Variants in TPD52 observed in about 807,000 individuals in gnomAD.
TPD52 encodes the protein prostate and colon associated protein.
Under a neutral mutation model 31.3 loss-of-function variants are expected in TPD52, and 17 were observed. The observed-to-expected ratio is 0.54, with a 90% CI of 0.37 to 0.82. The LOEUF (loss-of-function observed/expected upper bound fraction) is 0.82. Ranked by LOEUF, TPD52 falls within the 40% of genes least tolerant of loss-of-function variation. The pLI is 0.00. For missense variants in TPD52, 212 were observed against 240.1 expected, an observed-to-expected ratio of 0.88 and a Z score of 0.77; for synonymous variants, 83 against 89.6, an observed-to-expected ratio of 0.93 and a Z score of 0.42.
At chr8:80,039,697 T>C (rs148013292) in intron 7 of TPD52, among the ~76,000 whole-genome samples, 2 of 152,214 alleles carry the variant, frequency 1.3e-5, no homozygotes, top group African/African-American at 4.8e-5. Context: ...CACATCTCTC[T>C]AGCTTCACCT....
intron 1 of TPD52, 151 bp downstream of exon 1, chr8:80,171,274 C>T: frequency 9.9e-7 from 1 of 1,012,284 alleles, no homozygotes; most frequent in Non-Finnish European, 1.5e-6. Flanking sequence ...ATGCCAGATC[C>T]GGATCCGGGA....
intron 1 of TPD52, among the ~76,000 whole-genome samples, chr8:80,072,894 G>A (rs1399156613): frequency 6.6e-6 from 1 of 151,802 alleles, no homozygotes; most frequent in African/African-American, 2.4e-5. Flanking sequence ...CTTGAAGCCA[G>A]GAATTCGAGA....
At chr8:80,094,834 C>T (rs1816609302) in intron 1 of TPD52, among the ~76,000 whole-genome samples, 2 of 151,810 alleles carry the variant, frequency 1.3e-5, no homozygotes, top group Non-Finnish European at 2.9e-5. Flanking sequence ...ATTTTAAATA[C>T]TCTTTCCTGA....
chr8:80,048,205 G>GCT (rs1457954792), intron 5 of TPD52, among the ~76,000 whole-genome samples: 4 of 151,840 alleles, frequency 2.6e-5, no homozygotes, highest in East Asian at 1.9e-4. Flanking sequence ...ATCAAGAGCA[G>GCT]CTCTCTCTCT....
rs750780114 is a variant in TPD52, at chr8:80,153,070, T to C, written c.19+18355A>G. Reference sequence around the variant, plus strand: ...AAGAAGACTCTTAGGCACTAACAAATGTGGGAGGAGAGTGCTGAGGTTACT... The same window carrying C: ...AAGAAGACTCTTAGGCACTAACAAACGTGGGAGGAGAGTGCTGAGGTTACT... On this transcript the variant is annotated intron_variant, in intron 1 of 7. Coordinates refer to ENST00000518937, the MANE Select transcript of TPD52 (RefSeq NM_001025253.3). 5.9e-5 allele frequency among the ~76,000 whole-genome samples: 9 copies of C among 152,296 alleles called. No individual in the cohort carries two copies. The South Asian group carries it at 1.9e-3, about 32-fold the overall frequency.
intron 1 of TPD52, among the ~76,000 whole-genome samples, chr8:80,106,270 G>C (rs915409045): frequency 6.6e-6 from 1 of 152,162 alleles, no homozygotes; most frequent in African/African-American, 2.4e-5. Flanking sequence ...TATATTCTTA[G>C]TTATTTTTAA....
At chr8:80,066,108 C>T (rs1563590137) in intron 1 of TPD52, among the ~76,000 whole-genome samples, 1 of 152,082 alleles carries the variant, frequency 6.6e-6, no homozygotes, top group South Asian at 2.1e-4. Context: ...CAATGCAAGG[C>T]GCCAGGGAGC....
chr8:80,105,692 C>A (rs7011903), intron 1 of TPD52, among the ~76,000 whole-genome samples: 30,007 of 150,350 alleles, frequency 0.2, 5,489 homozygotes, highest in African/African-American at 0.49. Context: ...CCGTCTCAAC[C>A]TCCCAAAATG....
At chr8:80,075,833 C>T (rs1814470526) in intron 1 of TPD52, among the ~76,000 whole-genome samples, 1 of 152,056 alleles carries the variant, frequency 6.6e-6, no homozygotes, top group Admixed American at 6.5e-5. Flanking sequence ...TTTTGTAAAC[C>T]ACAGCCATGT....
chr8:80,132,321 AG>A (rs1294473077), intron 1 of TPD52, among the ~76,000 whole-genome samples: 1 of 152,154 alleles, frequency 6.6e-6, no homozygotes, highest in Non-Finnish European at 1.5e-5. Context: ...GTGGCCCCAG[AG>A]AACAGCACTT....
chr8:80,137,304 C>A (rs1377301315), intron 1 of TPD52, among the ~76,000 whole-genome samples: 1 of 152,128 alleles, frequency 6.6e-6, no homozygotes, highest in Non-Finnish European at 1.5e-5. Flanking sequence ...TACTAGAAAT[C>A]ACTGAATTGT....
At chr8:80,066,221 T>C (rs149544928) in intron 1 of TPD52, among the ~76,000 whole-genome samples, 28 of 152,344 alleles carry the variant, frequency 1.8e-4, no homozygotes, top group Non-Finnish European at 3.4e-4. Context: ...ATGATGCTTA[T>C]GTACATGGTG....
chr8:80,071,849 T>A (rs887727390), intron 1 of TPD52, among the ~76,000 whole-genome samples: 1 of 152,104 alleles, frequency 6.6e-6, no homozygotes, highest in Non-Finnish European at 1.5e-5. Flanking sequence ...TCCCGTGCCT[T>A]AAGTCCTTTG....
At chr8:80,168,094 C>T (rs1484627828) in intron 1 of TPD52, among the ~76,000 whole-genome samples, 1 of 152,198 alleles carries the variant, frequency 6.6e-6, no homozygotes, top group African/African-American at 2.4e-5. Context: ...TGCAATTTAA[C>T]GTATTTTAAA....
chr8:80,163,750 T>A (rs1586428781), intron 1 of TPD52, among the ~76,000 whole-genome samples: 1 of 152,152 alleles, frequency 6.6e-6, no homozygotes, highest in East Asian at 1.9e-4. Context: ...CTTAAAACAA[T>A]TTCTCTTAAA....
chr8:80,072,760 T>C (rs1005422214), intron 1 of TPD52, among the ~76,000 whole-genome samples: 1 of 149,540 alleles, frequency 6.7e-6, no homozygotes, highest in Non-Finnish European at 1.5e-5. Flanking sequence ...TATACATATA[T>C]ACACACACAC....
At chr8:80,102,997 T>A (rs1386683223) in intron 1 of TPD52, among the ~76,000 whole-genome samples, 1 of 152,170 alleles carries the variant, frequency 6.6e-6, no homozygotes, top group Non-Finnish European at 1.5e-5. Flanking sequence ...AAAGGAGACA[T>A]GGAAGCTCCA....
At chr8:80,040,185 C>CTTTTTTTTT (rs34611433) in intron 7 of TPD52, among the ~76,000 whole-genome samples, 1 of 95,686 alleles carries the variant, frequency 1.0e-5, no homozygotes, top group African/African-American at 4.9e-5. Context: ...ATACGCTATC[C>CTTTTTTTTT]TTTTTTTTTT....
chr8:80,095,583 G>C (rs999641738), intron 1 of TPD52, among the ~76,000 whole-genome samples: 1 of 152,138 alleles, frequency 6.6e-6, no homozygotes, highest in African/African-American at 2.4e-5. Flanking sequence ...TTAATAATAA[G>C]GGAAACTAGG....
Sources: allele counts gnomAD v4.1 joint callset (sites outside exome capture counted in the v4.1 genomes callset), GRCh38; gene constraint gnomAD v4.1.1; transcripts MANE v1.5; gene names NCBI Gene and HGNC (gene_info 2026-07-23, HGNC 2026-07-21).